GOLT1B: variants seen among roughly 807,000 people sequenced by gnomAD.
GOLT1B encodes the protein golgi transport 1B.
GOLT1B carries 3 observed loss-of-function variants against 15.4 expected under a neutral mutation model. That is an observed-to-expected ratio of 0.19 (90% CI 0.09 to 0.50). The LOEUF (loss-of-function observed/expected upper bound fraction) is 0.50. GOLT1B is among the 20% of genes least tolerant of loss of function. The pLI is 0.97. For synonymous variants in GOLT1B, 65 were observed against 56.2 expected, an observed-to-expected ratio of 1.16 and a Z score of -0.70; for missense variants, 145 against 160.4, an observed-to-expected ratio of 0.90 and a Z score of 0.52.
At chr12:21,514,558 T>G (rs570934786) in intron 4 of GOLT1B, among the ~76,000 whole-genome samples, 1 of 152,208 alleles carries the variant, frequency 6.6e-6, no homozygotes, top group Non-Finnish European at 1.5e-5. Context: ...ATGAATTCTT[T>G]GAGAGCAACT....
intron 1 of GOLT1B, chr12:21,504,550 G>A (rs1418857921): frequency 2.0e-6 from 1 of 505,946 alleles, no homozygotes; most frequent in Admixed American, 2.0e-5. Flanking sequence ...TGTGGAGTGA[G>A]AAGACTGGTT....
At chr12:21,515,323 A>C in intron 4 of GOLT1B, 2 of 853,922 alleles carry the variant, frequency 2.3e-6, no homozygotes, top group Non-Finnish European at 3.6e-6. Flanking sequence ...CTGACATTTC[A>C]GTTTTTTTTA....
At chr12:21,503,071 G>C (rs1035620282) in intron 1 of GOLT1B, among the ~76,000 whole-genome samples, 1 of 152,226 alleles carries the variant, frequency 6.6e-6, no homozygotes, top group African/African-American at 2.4e-5. Flanking sequence ...GACTGGGGCT[G>C]CCTCTTGGGG....
intron 1 of GOLT1B, among the ~76,000 whole-genome samples, chr12:21,504,360 A>T (rs1039589941): frequency 6.6e-6 from 1 of 152,176 alleles, no homozygotes; most frequent in African/African-American, 2.4e-5. Flanking sequence ...TGGAGGTGAG[A>T]AAAAGGCACA....
chr12:21,513,974 G>A (rs2417993), intron 4 of GOLT1B, among the ~76,000 whole-genome samples: 7,020 of 152,220 alleles, frequency 0.046, 289 homozygotes, highest in African/African-American at 0.11. Flanking sequence ...GTGAGTGAAG[G>A]ATGGCATTTT....
Position 21,501,944 on chromosome 12 carries a change from G to A in GOLT1B, c.21G>A (p.Thr7=). 1.9e-6 allele frequency: 3 copies of A among 1,608,122 alleles called. No homozygotes were observed. Among genetic ancestry groups the A allele is most frequent in the Non-Finnish European group, 2.6e-6 (3 of 1,174,792 alleles). Residue 7 remains threonine (T), a synonymous_variant, in exon 1 of 5, where the codon ACG becomes ACA. Coordinates refer to ENST00000229314, the MANE Select transcript of GOLT1B (RefSeq NM_016072.5). ...CAGCCATGATCTCCTTAACGGACAC[G>A]CAGAGTAAGCACCTGCTCCGGGGCC... The part of the protein sequence containing the change: MISLTD[T]QKIGMGLTGF...
rs181782324 is a variant in GOLT1B, at chr12:21,510,706, A to G, written c.297-1589A>G. Among the ~76,000 whole-genome samples the G allele has an allele frequency of 1.5e-4, 23 of 152,378 alleles. No individual in the cohort carries two copies. The East Asian group carries it at 4.4e-3, about 29-fold the overall frequency. Reference sequence around the variant, plus strand: ...GATCTTTTGAATTCATTACTACTAGAAAATGATTGTGATTTTCTTTGAAAC... The same window carrying G: ...GATCTTTTGAATTCATTACTACTAGGAAATGATTGTGATTTTCTTTGAAAC... On this transcript the variant is annotated intron_variant, in intron 3 of 4. Transcript: ENST00000229314.
At chr12:21,515,481 T>A (rs1354674201) in intron 4 of GOLT1B, among the ~76,000 whole-genome samples, 188 bp from the exon 5 acceptor site, 2 of 152,048 alleles carry the variant, frequency 1.3e-5, no homozygotes, top group Admixed American at 1.3e-4. Flanking sequence ...GAAAAAAAAA[T>A]TTTATACACG....
chr12:21,516,206 T>A lies in GOLT1B; in HGVS notation c.*499T>A, dbSNP rs1212335647. ...TATTAAAACCAAGGAAACCCCAATT[T>A]TGATGTATGGATTACTTTTTTTTGT... On this transcript the variant is annotated 3_prime_UTR_variant, in exon 5 of 5. Coordinates refer to ENST00000229314, the MANE Select transcript of GOLT1B (RefSeq NM_016072.5). 6.6e-6 allele frequency: 1 copy of A among 152,200 alleles called. No homozygotes were observed. The highest frequency in any genetic ancestry group is 2.4e-5 in the African/African-American group (1 of 41,438). The allele number at this position is 152,200 out of a possible 1,614,324, so 9.4% of individuals were successfully genotyped here.
Position 21,518,102 on chromosome 12 carries a change from A to G in GOLT1B, c.*2395A>G, listed in dbSNP as rs1325090256. On this transcript the variant is annotated 3_prime_UTR_variant, in exon 5 of 5. Coordinates refer to ENST00000229314, the MANE Select transcript of GOLT1B (RefSeq NM_016072.5). ...CACTGTCAGATTATATTATCTAACAATTGAATATTGTAAATATACTTGTCT... is the reference window on the plus strand; with the variant it reads ...CACTGTCAGATTATATTATCTAACAGTTGAATATTGTAAATATACTTGTCT... 6.6e-6 allele frequency: 1 copy of G among 152,516 alleles called. No individual in the cohort carries two copies. The highest frequency in any genetic ancestry group is 2.4e-5 in the African/African-American group (1 of 41,456). 9.4% of individuals were successfully genotyped at this position (152,516 alleles called of 1,614,324 possible).
chr12:21,504,066 T>G (rs1243736234), intron 1 of GOLT1B, among the ~76,000 whole-genome samples: 1 of 152,214 alleles, frequency 6.6e-6, no homozygotes, highest in African/African-American at 2.4e-5. Context: ...TTTAAAAAAT[T>G]GTGAATAAGA....
chr12:21,509,396 C>CAAAAAAAAAAAAAAAAAAAAAAAAAAAAA (rs71053318), intron 3 of GOLT1B, among the ~76,000 whole-genome samples: 1 of 74,040 alleles, frequency 1.4e-5, no homozygotes, highest in African/African-American at 5.6e-5. Context: ...GACTCTGTCT[C>CAAAAAAAAAAAAAAAAAAAAAAAAAAAAA]AAAAAAAAAA....
At position 21,507,382 on chromosome 12, in the gene GOLT1B, T is replaced by G. The variant is rs115563054; in HGVS notation, c.117+406T>G. Reference sequence around the variant, plus strand: ...TTTTAACCTTTTTAAAAATATATATTTCTATGTTAATGGTTGACTTGCTTA... The same window carrying G: ...TTTTAACCTTTTTAAAAATATATATGTCTATGTTAATGGTTGACTTGCTTA... On this transcript the variant is annotated intron_variant, in intron 2 of 4. Transcript: ENST00000229314. The G allele has an allele frequency of 5.2e-3, 1,125 of 216,384 alleles. 18 individuals carry two copies. Among genetic ancestry groups the G allele is most frequent in the African/African-American group, 0.024 (1,031 of 42,216 alleles). The allele number at this position is 216,384 out of a possible 1,614,324, so 13.4% of individuals were successfully genotyped here.
intron 1 of GOLT1B, among the ~76,000 whole-genome samples, chr12:21,504,234 AG>A (rs1260593839): frequency 1.3e-5 from 2 of 152,110 alleles, no homozygotes; most frequent in African/African-American, 4.8e-5. Flanking sequence ...GGAGGAGTGA[AG>A]GAAGATAAGT....
At position 21,515,659 on chromosome 12, in the gene GOLT1B, C is replaced by G; in HGVS notation, c.379-10C>G. 1 of 1,308,486 alleles carries G rather than the reference C, an allele frequency of 7.6e-7. No homozygotes were observed. The highest frequency in any genetic ancestry group is 1.1e-6 in the Non-Finnish European group (1 of 916,600). The allele number at this position is 1,308,486 out of a possible 1,614,324, so 81.1% of individuals were successfully genotyped here. ...CTTTCTTTAATTCTCTGTTTTTCTT[C>G]TCCTTACAGTTTGTAGATAAAGTTG... is the stretch of plus-strand genomic sequence containing the variant. On this transcript the variant is annotated splice_polypyrimidine_tract_variant and intron_variant, in intron 4 of 4. Coordinates refer to ENST00000229314, the MANE Select transcript of GOLT1B (RefSeq NM_016072.5).
intron 3 of GOLT1B, among the ~76,000 whole-genome samples, chr12:21,511,222 A>C (rs1943717031): frequency 2.0e-5 from 3 of 152,200 alleles, no homozygotes; most frequent in African/African-American, 7.2e-5. Context: ...AGAGAGGCTC[A>C]CAGAGCTCAA....
chr12:21,513,399 C>T (rs1029195097), intron 4 of GOLT1B, among the ~76,000 whole-genome samples: 2 of 152,108 alleles, frequency 1.3e-5, no homozygotes, highest in African/African-American at 4.8e-5. Flanking sequence ...TATTTTTTGC[C>T]ACCTTGGGAA....
intron 1 of GOLT1B, among the ~76,000 whole-genome samples, chr12:21,506,613 G>A (rs376325049): frequency 5.9e-5 from 9 of 152,010 alleles, no homozygotes; most frequent in Admixed American, 2.0e-4. Flanking sequence ...TTAGAATCCC[G>A]ATTTATCTTT....
In GOLT1B at chr12:21,516,579, A is replaced by G. The variant is rs1943757369; in HGVS notation, c.*872A>G. ...AAACCAAATGGATTTTTTCCATGTCATGATGTAATTTTTCTTTCTTCTTTC... is the reference window on the plus strand; with the variant it reads ...AAACCAAATGGATTTTTTCCATGTCGTGATGTAATTTTTCTTTCTTCTTTC... On this transcript the variant is annotated 3_prime_UTR_variant, in exon 5 of 5. Coordinates refer to ENST00000229314, the MANE Select transcript of GOLT1B (RefSeq NM_016072.5). The G allele has an allele frequency of 6.6e-6, 1 of 152,080 alleles. No individual in the cohort carries two copies. Among genetic ancestry groups the G allele is most frequent in the Non-Finnish European group, 1.5e-5 (1 of 67,924 alleles). The allele number at this position is 152,080 out of a possible 1,614,324, so 9.4% of individuals were successfully genotyped here.
Sources: gnomAD v4.1 joint callset for allele counts (sites outside exome capture counted in the v4.1 genomes callset) on GRCh38, gnomAD v4.1.1 for gene constraint, MANE v1.5 for transcripts, NCBI Gene and HGNC (gene_info 2026-07-23, HGNC 2026-07-21) for gene names.